Variants in KIF6 observed in about 807,000 individuals in gnomAD.
The protein encoded by KIF6 is kinesin family member 6, also known as kinesin-like protein KIF6.
KIF6 carries 106 observed loss-of-function variants against 112.7 expected under a neutral mutation model. The observed-to-expected ratio is 0.94, with a 90% CI of 0.80 to 1.11. The LOEUF (loss-of-function observed/expected upper bound fraction) is 1.11. KIF6 is among the 50% of genes least tolerant of loss of function. The probability of loss-of-function intolerance (pLI) is 0.00; values close to 1 mark genes in which losing one functional copy is unlikely to be tolerated. For missense variants in KIF6, 929 were observed against 964.0 expected (o/e 0.96, Z 0.48); for synonymous variants, 339 against 339.9 (o/e 1.00, Z 0.03).
At chr6:39,444,999 G>A (rs1176924256) in intron 13 of KIF6, among the ~76,000 whole-genome samples, 1 of 152,186 alleles carries the variant, frequency 6.6e-6, no homozygotes, top group Non-Finnish European at 1.5e-5. Flanking sequence ...CAGGGTCTGG[G>A]TTATGGAGCA....
At chr6:39,367,675 G>T (rs1486706471) in intron 16 of KIF6, among the ~76,000 whole-genome samples, 1 of 152,194 alleles carries the variant, frequency 6.6e-6, no homozygotes, top group African/African-American at 2.4e-5. Context: ...AGGGGCTCTT[G>T]CTGGGAAGGC....
chr6:39,533,157 G>A (rs1286570403), intron 13 of KIF6, among the ~76,000 whole-genome samples: 1 of 152,212 alleles, frequency 6.6e-6, no homozygotes, highest in Non-Finnish European at 1.5e-5. Flanking sequence ...CAGACAGTGG[G>A]TGCAAGACAG....
intron 6 of KIF6, among the ~76,000 whole-genome samples, chr6:39,599,593 G>C (rs375790743): frequency 5.9e-4 from 90 of 152,284 alleles, no homozygotes; most frequent in African/African-American, 2.1e-3. Context: ...AAATAACTGT[G>C]CATGTAAAAC....
intron 3 of KIF6, among the ~76,000 whole-genome samples, chr6:39,654,415 T>C (rs1785652135): frequency 2.0e-5 from 3 of 152,176 alleles, no homozygotes. Context: ...TTCTAGATTG[T>C]ACCCATTCTT....
At chr6:39,440,032 A>G (rs1771816735) in intron 13 of KIF6, among the ~76,000 whole-genome samples, 1 of 152,062 alleles carries the variant, frequency 6.6e-6, no homozygotes, top group Non-Finnish European at 1.5e-5. Context: ...CCAAAAATAT[A>G]TTTTCCTTGG....
intron 10 of KIF6, among the ~76,000 whole-genome samples, chr6:39,562,798 G>A (rs1780080798): frequency 6.6e-6 from 1 of 152,204 alleles, no homozygotes; most frequent in Admixed American, 6.5e-5. Flanking sequence ...CCATAATTAT[G>A]AACATTTGCT....
chr6:39,609,707 C>T (rs1214199539), intron 6 of KIF6, among the ~76,000 whole-genome samples: 1 of 152,126 alleles, frequency 6.6e-6, no homozygotes. Flanking sequence ...GCAGAATTTT[C>T]AAATGTTGTG....
intron 13 of KIF6, among the ~76,000 whole-genome samples, chr6:39,522,438 A>G (rs759473332): frequency 5.9e-5 from 9 of 152,172 alleles, no homozygotes; most frequent in Non-Finnish European, 1.2e-4. Context: ...ATCTTGAATG[A>G]CTGCAGCACC....
Position 39,419,980 on chromosome 6 carries a change from C to T in KIF6, c.1778G>A (p.Gly593Glu). The change falls in exon 15 of 23, where the codon GGA (glycine) becomes GAA (glutamate). Residue 593 changes from glycine to glutamate, a missense_variant. By Grantham distance (98) the Gly-to-Glu change is moderately conservative. This residue lies in a region of KIF6 where 241 missense variants were observed against 301.4 expected (regional missense o/e 0.80). Coordinates refer to ENST00000287152, the MANE Select transcript of KIF6 (RefSeq NM_145027.6). ...KQRFSEAKAL[G>E]ESINEARSKI... ...ACTTCTTGCTTCATTTATACTTTCT[C>T]CCAGGGCCTTGGCTTCAGAAAATCT... 1.2e-6 allele frequency: 2 copies of T among 1,613,452 alleles called. No individual in the cohort carries two copies. Among genetic ancestry groups the T allele is most frequent in the Non-Finnish European group, 1.7e-6 (2 of 1,179,422 alleles).
At chr6:39,498,231 AG>A (rs1429958563) in intron 13 of KIF6, among the ~76,000 whole-genome samples, 2 of 152,220 alleles carry the variant, frequency 1.3e-5, no homozygotes, top group African/African-American at 4.8e-5. Flanking sequence ...GCTGAGCTAC[AG>A]AACTCATGAT....
At chr6:39,420,391 A>T (rs1477044203) in intron 14 of KIF6, among the ~76,000 whole-genome samples, 1 of 152,208 alleles carries the variant, frequency 6.6e-6, no homozygotes, top group Non-Finnish European at 1.5e-5. Flanking sequence ...CTGATTATAA[A>T]ATAATATATC....
In KIF6 at chr6:39,522,823, G is replaced by T. The variant is rs1441940073; in HGVS notation, c.1645+17180C>A. Among the ~76,000 whole-genome samples, 4 of 152,066 alleles carry T rather than the reference G, an allele frequency of 2.6e-5. 1 individual carries two copies. Among genetic ancestry groups the T allele is most frequent in the Admixed American group, 2.6e-4 (4 of 15,274 alleles). On this transcript the variant is annotated intron_variant, in intron 13 of 22. Transcript: ENST00000287152. ...TGCCTCAGCCTACTCTGCCAATACT[G>T]GGGCTCCTTAATAAGCATTCTGCCT...
chr6:39,660,188 T>C (rs1161568741), intron 3 of KIF6, among the ~76,000 whole-genome samples: 1 of 152,132 alleles, frequency 6.6e-6, no homozygotes, highest in Non-Finnish European at 1.5e-5. Flanking sequence ...GTGTTGAAGT[T>C]GTATTATTTA....
intron 19 of KIF6, among the ~76,000 whole-genome samples, chr6:39,351,326 G>T (rs1764230545): frequency 6.6e-6 from 1 of 151,796 alleles, no homozygotes; most frequent in Non-Finnish European, 1.5e-5. Flanking sequence ...GACCTTCTGG[G>T]CTCAAAAGAT....
chr6:39,631,234 T>C (rs923962523), intron 5 of KIF6, among the ~76,000 whole-genome samples: 2 of 151,944 alleles, frequency 1.3e-5, no homozygotes, highest in East Asian at 3.9e-4. Flanking sequence ...CAGAAGAGAT[T>C]GCAAATTCTT....
chr6:39,416,936 G>A (rs1216651867), intron 15 of KIF6, among the ~76,000 whole-genome samples: 2 of 152,100 alleles, frequency 1.3e-5, no homozygotes, highest in South Asian at 4.1e-4. Context: ...GAGGCAGGAT[G>A]TAGCCCAGTT....
At chr6:39,355,459 C>CTTTTTTTT (rs574801087) in intron 19 of KIF6, among the ~76,000 whole-genome samples, 1 of 82,756 alleles carries the variant, frequency 1.2e-5, no homozygotes, top group African/African-American at 4.9e-5. Flanking sequence ...TTTAAGAAGT[C>CTTTTTTTT]TTTTTTTTTT....
At position 39,679,639 on chromosome 6, in the gene KIF6, G is replaced by A. The variant is rs554265362; in HGVS notation, c.251+35053C>T. On this transcript the variant is annotated intron_variant, in intron 3 of 22. Transcript: ENST00000287152. ...CTTTTTTTTTTTTTTTTTTTGAGGC[G>A]GAGTCTCACTCTGCTGCCCAGGCTG... 2.9e-4 allele frequency among the ~76,000 whole-genome samples: 40 copies of A among 138,068 alleles called. No homozygotes were observed. The South Asian group carries it at 4.6e-3, about 16-fold the overall frequency. 90.6% of individuals were successfully genotyped at this position (138,068 alleles called of 152,430 possible).
intron 13 of KIF6, among the ~76,000 whole-genome samples, chr6:39,512,827 T>A (rs1052602431): frequency 1.3e-5 from 2 of 152,120 alleles, no homozygotes. Flanking sequence ...ATTATGAGGA[T>A]CTATATGAAT....
Sources: allele counts gnomAD v4.1 joint callset (sites outside exome capture counted in the v4.1 genomes callset), GRCh38; gene constraint gnomAD v4.1.1; regional missense constraint gnomAD v4.1.1; transcripts MANE v1.5; gene names NCBI Gene and HGNC (gene_info 2026-07-23, HGNC 2026-07-21).